Variants in PDGFD observed in about 807,000 individuals in gnomAD.
The protein encoded by PDGFD is platelet derived growth factor D, also known as platelet-derived growth factor D.
Under a neutral mutation model 44.7 loss-of-function variants are expected in PDGFD, and 30 were observed. The observed-to-expected ratio is 0.67, with a 90% CI of 0.50 to 0.91. The LOEUF is 0.91. Ranked by LOEUF, PDGFD falls within the 40% of genes least tolerant of loss-of-function variation. PDGFD has a pLI of 0.00. For missense variants in PDGFD, 445 were observed against 457.8 expected (o/e 0.97, Z 0.25); for synonymous variants, 173 against 168.4 (o/e 1.03, Z -0.21).
intron 1 of PDGFD, among the ~76,000 whole-genome samples, chr11:104,095,508 C>G (rs942502655): frequency 6.6e-6 from 1 of 152,052 alleles, no homozygotes; most frequent in Admixed American, 6.6e-5. Context: ...GCCATCCACA[C>G]CTAAAATTCT....
chr11:103,913,155 T>C (rs547952276), intron 6 of PDGFD, among the ~76,000 whole-genome samples: 17 of 147,038 alleles, frequency 1.2e-4, no homozygotes, highest in East Asian at 2.1e-4. Context: ...GCGGACCTAA[T>C]AGATATCTAC....
chr11:104,021,697 A>G (rs1391991212), intron 1 of PDGFD, among the ~76,000 whole-genome samples: 1 of 152,164 alleles, frequency 6.6e-6, no homozygotes, highest in Non-Finnish European at 1.5e-5. Context: ...ACTTGATCTC[A>G]AACACAAGAG....
At chr11:104,068,852 ATT>A (rs138901790) in intron 1 of PDGFD, among the ~76,000 whole-genome samples, 1 of 151,246 alleles carries the variant, frequency 6.6e-6, no homozygotes, top group African/African-American at 2.4e-5. Context: ...CTGCGTGTGT[ATT>A]TTTTCTGAAT....
intron 1 of PDGFD, chr11:104,038,140 G>A (rs1427921069): frequency 6.6e-6 from 6 of 913,108 alleles, no homozygotes; most frequent in Non-Finnish European, 9.9e-6. Flanking sequence ...TTGGGACTAC[G>A]TTCTCAGATG....
intron 1 of PDGFD, among the ~76,000 whole-genome samples, chr11:104,098,689 A>AT (rs1555052823): frequency 6.6e-6 from 1 of 151,706 alleles, no homozygotes; most frequent in African/African-American, 2.4e-5. Context: ...TTAATTTTTA[A>AT]TTTTTTTGTA....
At chr11:104,125,973 T>C (rs2119826195) in intron 1 of PDGFD, among the ~76,000 whole-genome samples, 1 of 152,248 alleles carries the variant, frequency 6.6e-6, no homozygotes, top group Middle Eastern at 3.4e-3. Flanking sequence ...TATCATGCAA[T>C]AAAGAGCACA....
At chr11:103,976,456 C>T (rs1859186873) in intron 3 of PDGFD, among the ~76,000 whole-genome samples, 1 of 152,108 alleles carries the variant, frequency 6.6e-6, no homozygotes, top group Non-Finnish European at 1.5e-5. Flanking sequence ...TCTAAATATA[C>T]AATCATGTCA....
rs548225984 is a variant in PDGFD at position 103,947,527 on chromosome 11, T to G, written c.573+135A>C. ...ATAATCCATTGTAACCTGAATGAAA[T>G]GGAGAAACACATCCTGTTTGAGATC... is the stretch of plus-strand genomic sequence containing the variant. On this transcript the variant is annotated intron_variant, in intron 4 of 6. Transcript: ENST00000393158. 13 of 680,916 alleles carry G rather than the reference T, an allele frequency of 1.9e-5. No individual in the cohort carries two copies. The South Asian group carries it at 2.1e-4, about 11-fold the overall frequency. 42.2% of individuals were successfully genotyped at this position (680,916 alleles called of 1,614,324 possible).
chr11:104,134,311 G>A (rs899020453), intron 1 of PDGFD, among the ~76,000 whole-genome samples: 5 of 152,044 alleles, frequency 3.3e-5, no homozygotes, highest in African/African-American at 1.2e-4. Context: ...TTTTCCAGCT[G>A]CTAAGTGTCT....
chr11:104,153,952 G>A (rs1862275321), intron 1 of PDGFD, among the ~76,000 whole-genome samples: 1 of 152,094 alleles, frequency 6.6e-6, no homozygotes, highest in Non-Finnish European at 1.5e-5. Context: ...TTATAGGGCA[G>A]ACAGGAAGAC....
intron 1 of PDGFD, among the ~76,000 whole-genome samples, chr11:104,073,382 T>C (rs1272097541): frequency 6.6e-6 from 1 of 152,198 alleles, no homozygotes; most frequent in Non-Finnish European, 1.5e-5. Context: ...TTCATGGTAT[T>C]ATTTCTTATT....
chr11:103,979,920 C>T (rs2134350650), intron 3 of PDGFD, among the ~76,000 whole-genome samples: 1 of 152,218 alleles, frequency 6.6e-6, no homozygotes, highest in East Asian at 1.9e-4. Flanking sequence ...AACTTCAAAT[C>T]AAAATTAGGC....
intron 1 of PDGFD, among the ~76,000 whole-genome samples, chr11:104,033,982 T>A (rs1279614102): frequency 1.3e-5 from 2 of 152,174 alleles, no homozygotes; most frequent in Non-Finnish European, 2.9e-5. Context: ...AAAATAATCC[T>A]TATATGATGA....
rs79381834 is a variant in PDGFD, at chr11:104,124,075, G to A, written c.124+39729C>T. ...GATGTCTAATAAGCAGTGAGATATC[G>A]ATGTAAAAGTCCAGCTGAGGAGGAA... On this transcript the variant is annotated intron_variant, in intron 1 of 6. Transcript: ENST00000393158. Among the ~76,000 whole-genome samples the A allele has an allele frequency of 6.8e-3, 1,031 of 152,090 alleles. 9 individuals carry two copies. Among genetic ancestry groups the A allele is most frequent in the African/African-American group, 0.024 (979 of 41,524 alleles).
chr11:104,158,846 A>C (rs1418948534), intron 1 of PDGFD, among the ~76,000 whole-genome samples: 1 of 150,904 alleles, frequency 6.6e-6, no homozygotes, highest in Non-Finnish European at 1.5e-5. Context: ...AGGGGTTAGC[A>C]GTAGAAGTTA....
At chr11:104,131,234 T>C (rs1465613200) in intron 1 of PDGFD, among the ~76,000 whole-genome samples, 1 of 152,146 alleles carries the variant, frequency 6.6e-6, no homozygotes, top group Admixed American at 6.5e-5. Flanking sequence ...GTGCAATCTT[T>C]TCAAAATATT....
intron 1 of PDGFD, among the ~76,000 whole-genome samples, chr11:104,068,616 G>A (rs1005234828): frequency 5.3e-5 from 8 of 151,980 alleles, no homozygotes; most frequent in Non-Finnish European, 1.0e-4. Context: ...GTATTAAATT[G>A]GAATTGACCA....
intron 1 of PDGFD, among the ~76,000 whole-genome samples, chr11:104,013,537 T>C (rs1297966379): frequency 6.6e-6 from 1 of 152,080 alleles, no homozygotes; most frequent in Non-Finnish European, 1.5e-5. Flanking sequence ...AGCCAGTCAG[T>C]GAGCCATACA....
chr11:104,139,244 A>G (rs1488236825), intron 1 of PDGFD, among the ~76,000 whole-genome samples: 1 of 152,172 alleles, frequency 6.6e-6, no homozygotes, highest in African/African-American at 2.4e-5. Flanking sequence ...GAATTGTAGA[A>G]CAACTGATTC....
Sources: gnomAD v4.1 joint callset for allele counts (sites outside exome capture counted in the v4.1 genomes callset) on GRCh38, gnomAD v4.1.1 for gene constraint, MANE v1.5 for transcripts, NCBI Gene and HGNC (gene_info 2026-07-23, HGNC 2026-07-21) for gene names.